Variants in SLIT3 observed in about 807,000 individuals in gnomAD.
SLIT3 encodes the protein slit homolog 3 protein.
Under a neutral mutation model 184.0 loss-of-function variants are expected in SLIT3, and 68 were observed. The observed-to-expected ratio is 0.37, with a 90% CI of 0.30 to 0.45. The LOEUF is 0.45. SLIT3 is among the 20% of genes least tolerant of loss of function. The probability of loss-of-function intolerance (pLI) is 1.00; values close to 1 mark genes in which losing one functional copy is unlikely to be tolerated. For missense variants in SLIT3, 1,707 were observed against 2,026.0 expected (o/e 0.84, Z 3.02); for synonymous variants, 831 against 828.6 (o/e 1.00, Z -0.05).
intron 4 of SLIT3, among the ~76,000 whole-genome samples, chr5:168,914,943 T>C (rs1328475302): frequency 6.6e-6 from 1 of 152,226 alleles, no homozygotes; most frequent in Non-Finnish European, 1.5e-5. Context: ...TTTTTTTAAA[T>C]GCTAGAAACT....
intron 20 of SLIT3, among the ~76,000 whole-genome samples, chr5:168,741,825 G>A (rs6878527): frequency 8.3e-4 from 119 of 143,870 alleles, no homozygotes; most frequent in Non-Finnish European, 1.2e-3. Flanking sequence ...TGTTATCTTA[G>A]TCACCCTCTG....
chr5:168,874,426 A>G (rs1267375777), intron 5 of SLIT3, among the ~76,000 whole-genome samples: 3 of 152,148 alleles, frequency 2.0e-5, no homozygotes, highest in Non-Finnish European at 4.4e-5. Context: ...TTGTTTATTG[A>G]GCATTACATA....
intron 15 of SLIT3, 98 bp downstream of exon 15, chr5:168,762,441 G>T: frequency 7.6e-7 from 1 of 1,319,040 alleles, no homozygotes; most frequent in Non-Finnish European, 1.1e-6. Context: ...ACATGACTGA[G>T]CCAGGAAGGG....
chr5:169,268,126 C>T (rs1478610157), intron 1 of SLIT3, among the ~76,000 whole-genome samples: 1 of 152,174 alleles, frequency 6.6e-6, no homozygotes, highest in African/African-American at 2.4e-5. Context: ...CATGTCCTGC[C>T]ATGCCCTAAT....
At chr5:169,289,632 A>G (rs975002800) in intron 1 of SLIT3, among the ~76,000 whole-genome samples, 4 of 152,220 alleles carry the variant, frequency 2.6e-5, no homozygotes, top group Non-Finnish European at 5.9e-5. Flanking sequence ...GGTCCAGGCC[A>G]TGAAATCCAA....
intron 10 of SLIT3, chr5:168,790,737 A>G (rs1266417682): frequency 2.6e-5 from 4 of 152,344 alleles, no homozygotes; most frequent in Admixed American, 1.3e-4. Context: ...GTGGAGAAAA[A>G]AAAGCACAAC....
At chr5:169,047,379 T>A (rs1036779922) in intron 4 of SLIT3, among the ~76,000 whole-genome samples, 8 of 152,176 alleles carry the variant, frequency 5.3e-5, no homozygotes. Flanking sequence ...GCCTTTTGAA[T>A]CTAACCATTC....
intron 28 of SLIT3, among the ~76,000 whole-genome samples, chr5:168,696,012 G>A (rs750144475): frequency 2.0e-5 from 3 of 152,156 alleles, no homozygotes; most frequent in Non-Finnish European, 4.4e-5. Context: ...GGTCTACAGG[G>A]GCCCTAAAGG....
intron 1 of SLIT3, among the ~76,000 whole-genome samples, 155 bp from the exon 2 acceptor site, chr5:169,251,614 G>T (rs1438415754): frequency 6.6e-6 from 1 of 152,104 alleles, no homozygotes; most frequent in Non-Finnish European, 1.5e-5. Context: ...CTAACCTTAA[G>T]GATATTGTAT....
chr5:169,181,569 G>A (rs984766573), intron 4 of SLIT3, among the ~76,000 whole-genome samples: 2 of 151,930 alleles, frequency 1.3e-5, no homozygotes, highest in Admixed American at 1.3e-4. Flanking sequence ...GTGAAACCCT[G>A]TCTCTACTAA....
chr5:168,761,812 C>G (rs1316359564), intron 15 of SLIT3, among the ~76,000 whole-genome samples: 1 of 151,872 alleles, frequency 6.6e-6, no homozygotes, highest in African/African-American at 2.4e-5. Flanking sequence ...GATCATAGCT[C>G]ACTGCAGCCT....
chr5:168,702,816 G>A (rs1436661927), intron 26 of SLIT3, among the ~76,000 whole-genome samples: 3 of 152,130 alleles, frequency 2.0e-5, no homozygotes, highest in Non-Finnish European at 4.4e-5. Flanking sequence ...GAGAGTGGTG[G>A]TGGCCAACAC....
chr5:168,926,278 T>A (rs945803621), intron 4 of SLIT3, among the ~76,000 whole-genome samples: 5 of 152,212 alleles, frequency 3.3e-5, no homozygotes, highest in African/African-American at 1.2e-4. Flanking sequence ...TAAGCTATGG[T>A]TCCCAGAGCA....
At position 168,771,307 on chromosome 5, in the gene SLIT3, G is replaced by A. The variant is rs554262379; in HGVS notation, c.1459+1474C>T. Among the ~76,000 whole-genome samples, 3 of 152,304 alleles carry A rather than the reference G, an allele frequency of 2.0e-5. No individual in the cohort carries two copies. In the East Asian group the frequency reaches 5.8e-4, roughly 29 times the overall value. ...AGGACAGTGTTCAGGGAGCGGGTAG[G>A]GGTGGGAGCATGAGACCAGGGAAGG... On this transcript the variant is annotated intron_variant, in intron 14 of 35. Coordinates refer to ENST00000519560, the MANE Select transcript of SLIT3 (RefSeq NM_003062.4).
intron 3 of SLIT3, among the ~76,000 whole-genome samples, chr5:169,242,359 T>A (rs1403035586): frequency 6.6e-6 from 1 of 152,210 alleles, no homozygotes; most frequent in Non-Finnish European, 1.5e-5. Flanking sequence ...TCACTAAGCC[T>A]GTTTCCTCTA....
chr5:169,223,018 A>G (rs1764668504), intron 3 of SLIT3, among the ~76,000 whole-genome samples: 1 of 152,210 alleles, frequency 6.6e-6, no homozygotes, highest in South Asian at 2.1e-4. Context: ...CCACAGTTCA[A>G]AGGGGCACTG....
intron 1 of SLIT3, among the ~76,000 whole-genome samples, chr5:169,284,914 A>AT (rs201297034): frequency 3.0e-4 from 45 of 150,430 alleles, no homozygotes; most frequent in East Asian, 9.8e-4. Flanking sequence ...TTGAACACAG[A>AT]TTTTTTTTTT....
intron 11 of SLIT3, 29 bp downstream of exon 11, chr5:168,789,531 C>G: frequency 1.3e-6 from 2 of 1,594,150 alleles, no homozygotes; most frequent in Non-Finnish European, 1.7e-6. Flanking sequence ...CCTCCCCTCA[C>G]CTCAGGCCCC....
intron 4 of SLIT3, among the ~76,000 whole-genome samples, chr5:169,025,252 G>A (rs1397711646): frequency 6.6e-6 from 1 of 152,150 alleles, no homozygotes; most frequent in Non-Finnish European, 1.5e-5. Context: ...ATTCAAGGAA[G>A]GAAAGGGATG....
Sources: allele counts gnomAD v4.1 joint callset (sites outside exome capture counted in the v4.1 genomes callset), GRCh38; gene constraint gnomAD v4.1.1; transcripts MANE v1.5; gene names NCBI Gene and HGNC (gene_info 2026-07-23, HGNC 2026-07-21).